NRXN3: variants seen among roughly 807,000 people sequenced by gnomAD.
The protein encoded by NRXN3 is neurexin III.
Under a neutral mutation model 137.6 loss-of-function variants are expected in NRXN3, and 32 were observed. That is an observed-to-expected ratio of 0.23 (90% CI 0.18 to 0.31). The LOEUF is 0.31. Ranked by LOEUF, NRXN3 falls within the 10% of genes least tolerant of loss-of-function variation. The probability of loss-of-function intolerance (pLI) is 1.00; values close to 1 mark genes in which losing one functional copy is unlikely to be tolerated. For missense variants in NRXN3, 1,574 were observed against 2,062.5 expected (o/e 0.76, Z 4.59); for synonymous variants, 798 against 784.5 (o/e 1.02, Z -0.29).
chr14:78,423,271 T>A (rs1283856159), intron 4 of NRXN3, among the ~76,000 whole-genome samples: 2 of 152,164 alleles, frequency 1.3e-5, no homozygotes, highest in East Asian at 1.9e-4. Flanking sequence ...AAGGAATATG[T>A]GGGCTACAGA....
At chr14:79,138,203 T>C (rs2058438783) in intron 15 of NRXN3, among the ~76,000 whole-genome samples, 1 of 152,214 alleles carries the variant, frequency 6.6e-6, no homozygotes, top group African/African-American at 2.4e-5. Flanking sequence ...TCACCCAGGC[T>C]GAAGTATAGT....
chr14:78,869,460 A>G (rs1477412013), intron 10 of NRXN3, among the ~76,000 whole-genome samples: 1 of 152,136 alleles, frequency 6.6e-6, no homozygotes, highest in African/African-American at 2.4e-5. Flanking sequence ...CCTACAAGAT[A>G]AGATCTAAAC....
intron 8 of NRXN3, among the ~76,000 whole-genome samples, chr14:78,780,875 A>G (rs1446384617): frequency 6.6e-6 from 1 of 152,206 alleles, no homozygotes; most frequent in African/African-American, 2.4e-5. Context: ...TGAGGCAGCC[A>G]CTTTGAAATA....
intron 4 of NRXN3, among the ~76,000 whole-genome samples, chr14:78,586,358 C>T (rs1319449262): frequency 6.6e-6 from 1 of 152,080 alleles, no homozygotes; most frequent in African/African-American, 2.4e-5. Flanking sequence ...AAGAGTTCTG[C>T]ATTGAAGGAA....
intron 19 of NRXN3, among the ~76,000 whole-genome samples, chr14:79,700,927 A>G (rs1222643907): frequency 6.6e-6 from 1 of 152,120 alleles, no homozygotes; most frequent in African/African-American, 2.4e-5. Flanking sequence ...AAAATTTAAG[A>G]TGTGCATTGA....
intron 10 of NRXN3, among the ~76,000 whole-genome samples, chr14:78,889,654 G>T (rs535186506): frequency 1.3e-5 from 2 of 152,096 alleles, no homozygotes; most frequent in South Asian, 2.1e-4. Context: ...ACTGAGCACT[G>T]AGTACCTGGT....
intron 1 of NRXN3, among the ~76,000 whole-genome samples, chr14:78,173,162 G>A (rs749580185): frequency 1.3e-5 from 2 of 152,028 alleles, no homozygotes; most frequent in South Asian, 2.1e-4. Flanking sequence ...CAGCAAACGG[G>A]GATGTGGGGG....
chr14:78,901,143 T>G (rs79416061), intron 10 of NRXN3, among the ~76,000 whole-genome samples: 15,962 of 152,090 alleles, frequency 0.1, 1,128 homozygotes, highest in Non-Finnish European at 0.14. Context: ...AATGCCTTAT[T>G]CATCAATTCA....
At chr14:78,970,918 A>G (rs1027098438) in intron 14 of NRXN3, among the ~76,000 whole-genome samples, 1 of 152,190 alleles carries the variant, frequency 6.6e-6, no homozygotes, top group South Asian at 2.1e-4. Context: ...TACAACGGTT[A>G]CCCACTGAGC....
intron 15 of NRXN3, among the ~76,000 whole-genome samples, chr14:79,373,623 A>G (rs1425767419): frequency 6.6e-6 from 1 of 152,206 alleles, no homozygotes; most frequent in Admixed American, 6.5e-5. Flanking sequence ...CTATAATTAC[A>G]GGATTGTTAA....
intron 15 of NRXN3, among the ~76,000 whole-genome samples, chr14:79,263,947 A>G (rs2078033810): frequency 6.6e-6 from 1 of 152,202 alleles, no homozygotes; most frequent in Non-Finnish European, 1.5e-5. Context: ...ATGAGCTTTA[A>G]GATTCTCTCT....
intron 10 of NRXN3, among the ~76,000 whole-genome samples, chr14:78,917,161 C>G (rs532741275): frequency 2.6e-5 from 4 of 152,164 alleles, no homozygotes; most frequent in South Asian, 2.1e-4. Context: ...TAAGAATATT[C>G]GATTAACTGG....
At chr14:78,677,438 A>AAG (rs539684009) in intron 6 of NRXN3, among the ~76,000 whole-genome samples, 188 of 152,026 alleles carry the variant, frequency 1.2e-3, no homozygotes, top group African/African-American at 4.4e-3. Flanking sequence ...AAAAAAAAAA[A>AAG]CCCTGGAAGG....
chr14:78,306,684 AG>A (rs2077403581), intron 4 of NRXN3, among the ~76,000 whole-genome samples: 1 of 152,168 alleles, frequency 6.6e-6, no homozygotes, highest in East Asian at 1.9e-4. Context: ...TTTTATGTGT[AG>A]TTGCCATTTG....
chr14:79,749,269 G>T (rs980471645), intron 19 of NRXN3, among the ~76,000 whole-genome samples: 1 of 151,980 alleles, frequency 6.6e-6, no homozygotes, highest in Non-Finnish European at 1.5e-5. Context: ...TTTGTCTTTG[G>T]GGTGTGGGGC....
intron 10 of NRXN3, among the ~76,000 whole-genome samples, chr14:78,830,238 C>T (rs118177668): frequency 2.1e-4 from 32 of 152,168 alleles, no homozygotes; most frequent in Admixed American, 6.5e-4. Context: ...ATCTAAGTTA[C>T]TCGTAGCATG....
At chr14:78,601,916 GTC>G (rs1240861502) in intron 4 of NRXN3, among the ~76,000 whole-genome samples, 2 of 152,140 alleles carry the variant, frequency 1.3e-5, no homozygotes, top group African/African-American at 4.8e-5. Flanking sequence ...CTCATTGAGT[GTC>G]TCCTCAAAGA....
At chr14:78,661,041 G>C (rs538482642) in intron 6 of NRXN3, among the ~76,000 whole-genome samples, 2 of 152,314 alleles carry the variant, frequency 1.3e-5, no homozygotes, top group Admixed American at 1.3e-4. Context: ...AAACCTAGTT[G>C]GTGGTTTTTG....
intron 15 of NRXN3, among the ~76,000 whole-genome samples, chr14:79,328,140 G>T (rs1249932403): frequency 6.6e-6 from 1 of 151,664 alleles, no homozygotes; most frequent in Non-Finnish European, 1.5e-5. Context: ...TAACAGAAAA[G>T]GAAAAAGAAA....
Sources: allele counts gnomAD v4.1 joint callset (sites outside exome capture counted in the v4.1 genomes callset), GRCh38; gene constraint gnomAD v4.1.1; transcripts MANE v1.5; gene names NCBI Gene and HGNC (gene_info 2026-07-23, HGNC 2026-07-21).